Variants in SORCS3 observed in about 807,000 individuals in gnomAD.
The protein encoded by SORCS3 is VPS10 domain-containing receptor SorCS3.
Under a neutral mutation model 146.3 loss-of-function variants are expected in SORCS3, and 57 were observed. The ratio of observed to expected loss-of-function variants is 0.39; its 90% confidence interval spans 0.31 to 0.49. SORCS3 has a LOEUF of 0.49. Among genes scored for constraint, SORCS3 ranks in the 20% least tolerant of loss-of-function variants. SORCS3 has a pLI of 0.92. For missense variants in SORCS3, 1,341 were observed against 1,575.5 expected, an observed-to-expected ratio of 0.85 and a Z score of 2.52; for synonymous variants, 653 against 618.5, an observed-to-expected ratio of 1.06 and a Z score of -0.83.
chr10:104,641,582 C>G lies in SORCS3; in HGVS notation c.255C>G (p.Ala85=). Residue 85 remains alanine, a synonymous_variant, in exon 1 of 27, where the codon GCC becomes GCG. Transcript: ENST00000369701. This position sits in a 1 kb window ranked among gnomAD's most constrained non-coding sequence, Gnocchi z 6.4. ...ARRAAVLGRR[A]GPELLPQQGG... is the part of the protein sequence containing the mutation. ...GAGCCGCCGTGCTGGGGCGCCGGGC[C>G]GGACCAGAGCTGCTGCCCCAGCAGG... 6.7e-7 allele frequency: 1 copy of G among 1,484,684 alleles called. No homozygotes were observed. The highest frequency in any genetic ancestry group is 8.9e-7 in the Non-Finnish European group (1 of 1,127,096). The allele number at this position is 1,484,684 out of a possible 1,614,324, so 92.0% of individuals were successfully genotyped here. A position where few individuals can be genotyped will look rare whatever the true frequency, so the allele number is the denominator to read the frequency against.
chr10:104,822,508 G>A (rs2017885701), intron 1 of SORCS3, among the ~76,000 whole-genome samples: 1 of 152,216 alleles, frequency 6.6e-6, no homozygotes, highest in Non-Finnish European at 1.5e-5. Context: ...CATGAGAGAG[G>A]GCTCTTAATC....
At chr10:105,039,958 A>C (rs1375152740) in intron 4 of SORCS3, among the ~76,000 whole-genome samples, 2 of 152,152 alleles carry the variant, frequency 1.3e-5, no homozygotes, top group East Asian at 1.9e-4. Flanking sequence ...AGGAAGACAC[A>C]ATCATGTTGG....
intron 20 of SORCS3, among the ~76,000 whole-genome samples, chr10:105,236,339 G>C (rs547656552): frequency 7.9e-5 from 12 of 152,218 alleles, no homozygotes; most frequent in Admixed American, 5.2e-4. Context: ...ACTACTAGAG[G>C]TGTTTATCTC....
chr10:105,088,657 C>G (rs1392132898), intron 5 of SORCS3, among the ~76,000 whole-genome samples: 2 of 152,174 alleles, frequency 1.3e-5, no homozygotes, highest in African/African-American at 2.4e-5. Context: ...AGCCCCGCAA[C>G]ATAGATGTCA....
At chr10:105,015,865 G>A (rs1288687229) in intron 4 of SORCS3, among the ~76,000 whole-genome samples, 1 of 151,290 alleles carries the variant, frequency 6.6e-6, no homozygotes, top group African/African-American at 2.4e-5. Flanking sequence ...GAGTAGCTGG[G>A]ATTACAGGCG....
At chr10:104,643,709 G>GGGGTGT (rs758845919) in intron 1 of SORCS3, among the ~76,000 whole-genome samples, 46 of 144,732 alleles carry the variant, frequency 3.2e-4, no homozygotes, top group South Asian at 1.1e-3. Context: ...TGATAATTAG[G>GGGGTGT]GTGTGTGTGT....
intron 1 of SORCS3, among the ~76,000 whole-genome samples, chr10:104,677,587 G>A (rs1464394640): frequency 6.6e-6 from 1 of 152,188 alleles, no homozygotes; most frequent in Non-Finnish European, 1.5e-5. Context: ...GGGCTGAGAA[G>A]TTGCCTGAGG....
intron 1 of SORCS3, among the ~76,000 whole-genome samples, chr10:104,686,975 A>G (rs893820650): frequency 9.9e-5 from 15 of 151,590 alleles, no homozygotes; most frequent in Non-Finnish European, 1.8e-4. Context: ...CTTTCCATTC[A>G]TCTATCCATC....
chr10:104,990,747 A>T (rs902712412), intron 4 of SORCS3, among the ~76,000 whole-genome samples: 3 of 152,186 alleles, frequency 2.0e-5, no homozygotes, highest in African/African-American at 4.8e-5. Flanking sequence ...TCACAGAAAG[A>T]TGTTACACAG....
chr10:105,262,604 A>C, intron 26 of SORCS3, 113 bp downstream of exon 26: 1 of 1,049,482 alleles, frequency 9.5e-7, no homozygotes, highest in Non-Finnish European at 1.3e-6. Flanking sequence ...ACAACTACCT[A>C]CAGTGACAGA....
chr10:104,800,742 A>C (rs1363447379), intron 1 of SORCS3, among the ~76,000 whole-genome samples: 1 of 152,218 alleles, frequency 6.6e-6, no homozygotes, highest in Non-Finnish European at 1.5e-5. Flanking sequence ...GTGGAGTGAG[A>C]AAAGGGTGAC....
chr10:104,774,462 T>C (rs1431543779), intron 1 of SORCS3, among the ~76,000 whole-genome samples: 1 of 152,184 alleles, frequency 6.6e-6, no homozygotes, highest in Non-Finnish European at 1.5e-5. Context: ...CCTTGCATGG[T>C]GTCTGCCATG....
intron 4 of SORCS3, among the ~76,000 whole-genome samples, chr10:104,989,950 T>A (rs192910523): frequency 1.1e-3 from 163 of 152,352 alleles, no homozygotes; most frequent in Admixed American, 5.0e-3. Flanking sequence ...GCCATGTCAC[T>A]GATTTCTGTG....
intron 2 of SORCS3, among the ~76,000 whole-genome samples, chr10:104,848,601 C>T (rs1285870686): frequency 2.0e-5 from 3 of 152,174 alleles, no homozygotes; most frequent in Admixed American, 6.5e-5. Context: ...CCACCCCATT[C>T]GCTAGGCTCT....
chr10:105,004,613 T>C (rs2133675702), intron 4 of SORCS3, among the ~76,000 whole-genome samples: 1 of 152,220 alleles, frequency 6.6e-6, no homozygotes. Context: ...TGTTTTTGTT[T>C]TTGGTTGAAT....
intron 2 of SORCS3, among the ~76,000 whole-genome samples, chr10:104,844,400 T>C (rs1443192743): frequency 6.6e-6 from 1 of 152,140 alleles, no homozygotes; most frequent in Admixed American, 6.5e-5. Flanking sequence ...TGCTACTCCA[T>C]GTTGCAGAAA....
At chr10:104,930,335 A>G (rs1372362199) in intron 3 of SORCS3, among the ~76,000 whole-genome samples, 3 of 152,228 alleles carry the variant, frequency 2.0e-5, no homozygotes, top group Admixed American at 6.5e-5. Context: ...TCATAGTAAT[A>G]ATAAAAATAA....
chr10:104,910,430 A>T (rs1436437427), intron 2 of SORCS3, among the ~76,000 whole-genome samples: 2 of 152,244 alleles, frequency 1.3e-5, no homozygotes, highest in South Asian at 4.1e-4. Flanking sequence ...AATTAAAAAA[A>T]ATACTTCTCA....
chr10:105,157,489 A>T (rs697191), intron 10 of SORCS3, among the ~76,000 whole-genome samples: 5,402 of 152,284 alleles, frequency 0.035, 309 homozygotes, highest in African/African-American at 0.12. Flanking sequence ...CAGGCATTTA[A>T]TGAGGATCTA....
Sources: allele counts gnomAD v4.1 joint callset (sites outside exome capture counted in the v4.1 genomes callset), GRCh38; gene constraint gnomAD v4.1.1; non-coding constraint Gnocchi (gnomAD v3.1); transcripts MANE v1.5; gene names NCBI Gene and HGNC (gene_info 2026-07-23, HGNC 2026-07-21).